RALYL: variants seen among roughly 807,000 people sequenced by gnomAD.
RALYL encodes the protein RALY RNA binding protein like.
In RALYL, 29 loss-of-function variants were observed where a neutral mutation model predicts 35.1. That is an observed-to-expected ratio of 0.83 (90% CI 0.61 to 1.13). RALYL has a LOEUF of 1.13. RALYL is among the 50% of genes most tolerant of loss of function. RALYL has a pLI of 0.00. For synonymous variants in RALYL, 120 were observed against 127.6 expected, an observed-to-expected ratio of 0.94 and a Z score of 0.40; for missense variants, 359 against 360.4, an observed-to-expected ratio of 1.00 and a Z score of 0.03.
chr8:84,357,676 T>A (rs1852124393), intron 1 of RALYL, among the ~76,000 whole-genome samples: 1 of 150,580 alleles, frequency 6.6e-6, no homozygotes, highest in South Asian at 2.1e-4. Context: ...TCCTTTTAAA[T>A]CATTGGCATC....
chr8:84,244,225 G>A (rs529067442), intron 1 of RALYL, among the ~76,000 whole-genome samples: 1 of 152,016 alleles, frequency 6.6e-6, no homozygotes. Context: ...ATTCAGCTAA[G>A]GTTAAGTGAC....
At chr8:84,571,435 G>T (rs1158491657) in intron 2 of RALYL, among the ~76,000 whole-genome samples, 2 of 151,588 alleles carry the variant, frequency 1.3e-5, no homozygotes, top group Non-Finnish European at 3.0e-5. Flanking sequence ...ATGATCTTTT[G>T]TATTTCTGTG....
chr8:84,555,439 T>C (rs548702141), intron 2 of RALYL, among the ~76,000 whole-genome samples: 1 of 152,286 alleles, frequency 6.6e-6, no homozygotes, highest in African/African-American at 2.4e-5. Context: ...GGTAGTGGCA[T>C]GCTACATAAA....
intron 4 of RALYL, among the ~76,000 whole-genome samples, chr8:84,828,251 C>T (rs1830127752): frequency 6.6e-6 from 1 of 152,046 alleles, no homozygotes; most frequent in South Asian, 2.1e-4. Flanking sequence ...ATAGCAGATA[C>T]AGAACTCTTT....
In RALYL at chr8:84,492,122, G is replaced by C. The variant is rs1008024123; in HGVS notation, c.-23-37177G>C. On this transcript the variant is annotated intron_variant, in intron 1 of 8. Coordinates refer to ENST00000521268, the MANE Select transcript of RALYL (RefSeq NM_173848.7). Reference sequence around the variant, plus strand: ...ATGTTTCCACTTGCAAAATAACTGAGAGAATGCAAAATTTGAATATAGTGT... The same window carrying C: ...ATGTTTCCACTTGCAAAATAACTGACAGAATGCAAAATTTGAATATAGTGT... Among the ~76,000 whole-genome samples, 10 of 151,872 alleles carry C rather than the reference G, an allele frequency of 6.6e-5. 1 individual carries two copies. Among genetic ancestry groups the C allele is most frequent in the Admixed American group, 6.6e-4 (10 of 15,204 alleles).
chr8:84,603,532 T>A (rs1188207987), intron 2 of RALYL, among the ~76,000 whole-genome samples: 1 of 151,968 alleles, frequency 6.6e-6, no homozygotes, highest in Admixed American at 6.6e-5. Context: ...GAGGTAGGTG[T>A]GAGATTTCAC....
At chr8:84,231,049 A>G (rs1053380186) in intron 1 of RALYL, among the ~76,000 whole-genome samples, 2 of 152,248 alleles carry the variant, frequency 1.3e-5, no homozygotes, top group Non-Finnish European at 2.9e-5. Flanking sequence ...GACTTTCTCC[A>G]GAAGAGAAGA....
intron 1 of RALYL, among the ~76,000 whole-genome samples, chr8:84,476,456 T>C (rs2053434059): frequency 6.6e-6 from 1 of 152,200 alleles, no homozygotes. Flanking sequence ...CTTAATCTTC[T>C]TTTTATCTTA....
intron 2 of RALYL, among the ~76,000 whole-genome samples, chr8:84,606,593 T>G (rs1349619562): frequency 6.6e-6 from 1 of 152,176 alleles, no homozygotes. Flanking sequence ...TCAATATATT[T>G]TAAGTTTTTC....
At chr8:84,870,446 C>T (rs534893047) in intron 6 of RALYL, among the ~76,000 whole-genome samples, 36 of 151,334 alleles carry the variant, frequency 2.4e-4, no homozygotes, top group African/African-American at 8.0e-4. Context: ...TTAGTAGAGA[C>T]GGGGTTTTAC....
intron 1 of RALYL, among the ~76,000 whole-genome samples, chr8:84,320,449 C>T (rs1169131626): frequency 6.6e-6 from 1 of 151,686 alleles, no homozygotes; most frequent in African/African-American, 2.4e-5. Flanking sequence ...CATACACACA[C>T]TTATGTCTCA....
intron 1 of RALYL, among the ~76,000 whole-genome samples, chr8:84,360,477 A>T (rs1328504701): frequency 6.6e-6 from 1 of 152,220 alleles, no homozygotes; most frequent in Non-Finnish European, 1.5e-5. Context: ...GAAAAGTTCA[A>T]GAAAGTTCTA....
chr8:84,460,356 A>G (rs1178384879), intron 1 of RALYL, among the ~76,000 whole-genome samples: 2 of 151,802 alleles, frequency 1.3e-5, no homozygotes, highest in African/African-American at 2.4e-5. Context: ...GTATATTTGT[A>G]TACTTGCAAA....
chr8:84,547,849 T>C (rs2060467540), intron 2 of RALYL, among the ~76,000 whole-genome samples: 1 of 152,216 alleles, frequency 6.6e-6, no homozygotes, highest in Admixed American at 6.5e-5. Context: ...CATGGGTCCT[T>C]ACCCAGGTTT....
intron 1 of RALYL, among the ~76,000 whole-genome samples, chr8:84,278,434 C>T (rs1167716896): frequency 6.6e-6 from 1 of 152,200 alleles, no homozygotes; most frequent in Non-Finnish European, 1.5e-5. Flanking sequence ...GAGACATTTC[C>T]CCCATTATCT....
intron 2 of RALYL, among the ~76,000 whole-genome samples, chr8:84,655,037 T>C (rs1829688179): frequency 6.6e-6 from 1 of 152,138 alleles, no homozygotes; most frequent in African/African-American, 2.4e-5. Context: ...TAGTGGATTG[T>C]TCTAATTTAT....
chr8:84,844,343 A>T (rs1291885565), intron 4 of RALYL, among the ~76,000 whole-genome samples: 1 of 152,252 alleles, frequency 6.6e-6, no homozygotes, highest in African/African-American at 2.4e-5. Context: ...GAAGACATTT[A>T]TGCATCCAAA....
chr8:84,865,320 T>G (rs1838977907), intron 6 of RALYL, among the ~76,000 whole-genome samples: 1 of 152,188 alleles, frequency 6.6e-6, no homozygotes, highest in Non-Finnish European at 1.5e-5. Context: ...CTTTAATTAA[T>G]AGCTCTTTCC....
chr8:84,490,283 C>A (rs1233941574), intron 1 of RALYL, among the ~76,000 whole-genome samples: 1 of 151,910 alleles, frequency 6.6e-6, no homozygotes, highest in Admixed American at 6.6e-5. Context: ...CTTACTGGGG[C>A]GATTTCAGAG....
Sources: gnomAD v4.1 joint callset for allele counts (sites outside exome capture counted in the v4.1 genomes callset) on GRCh38, gnomAD v4.1.1 for gene constraint, MANE v1.5 for transcripts, NCBI Gene and HGNC (gene_info 2026-07-23, HGNC 2026-07-21) for gene names.